The following PAPPA variants were observed in gnomAD, a reference collection of about 807,000 sequenced individuals.
PAPPA encodes the protein pappalysin 1, also known as pappalysin-1.
PAPPA carries 60 observed loss-of-function variants against 164.0 expected under a neutral mutation model. That is an observed-to-expected ratio of 0.37 (90% confidence interval 0.30 to 0.45). PAPPA has a LOEUF of 0.45. PAPPA is among the 20% of genes least tolerant of loss of function. The pLI is 1.00. For synonymous variants in PAPPA, 875 were observed against 814.1 expected (o/e 1.07, Z -1.27); for missense variants, 1,782 against 2,087.3 (o/e 0.85, Z 2.85).
In PAPPA at chr9:116,187,666, T is replaced by A; in HGVS notation, c.928T>A (p.Phe310Ile). 2 of 1,614,232 alleles carry A rather than the reference T, an allele frequency of 1.2e-6. No individual in the cohort carries two copies. Among genetic ancestry groups the A allele is most frequent in the Non-Finnish European group, 1.7e-6 (2 of 1,180,040 alleles). The change falls in exon 2 of 22, where the codon TTC (phenylalanine) becomes ATC (isoleucine). Residue 310 changes from phenylalanine to isoleucine, a missense_variant. By Grantham distance (21) the Phe-to-Ile change is conservative. Around this residue, in one of 2 missense-constraint regions of PAPPA, gnomAD observed 458 missense variants for 430.3 expected, o/e 1.06. Coordinates refer to ENST00000328252, the MANE Select transcript of PAPPA (RefSeq NM_002581.5). This position sits in a 1 kb window ranked among gnomAD's most constrained non-coding sequence, Gnocchi z 4.2. ...GGATGGCAGCAGCCCCAAAGTGGAA[T>A]TCAGCAATGCCCACGGCTTTCTGCT... is the stretch of plus-strand genomic sequence containing the variant. ...MKDGSSPKVE[F>I]SNAHGFLLDT...
chr9:116,327,822 C>G (rs1845940219), intron 10 of PAPPA, among the ~76,000 whole-genome samples: 1 of 152,174 alleles, frequency 6.6e-6, no homozygotes, highest in Non-Finnish European at 1.5e-5. Flanking sequence ...CTCTTCCTCT[C>G]CAGCCTCCCT....
At position 116,154,397 on chromosome 9, in the gene PAPPA, C is replaced by T. The variant is rs1587931047; in HGVS notation, c.225C>T (p.Pro75=). ...GTGCCTGGGAAGCCGTGCGCGTCCCCCGGCGGCGGCAGCAGCGGGAGGCGA... is the reference window on the plus strand; with the variant it reads ...GTGCCTGGGAAGCCGTGCGCGTCCCTCGGCGGCGGCAGCAGCGGGAGGCGA... ...PGGAWEAVRV[P]RRRQQREARG... is the part of the protein sequence containing the mutation. The change falls in exon 1 of 22, where the codon CCC becomes CCT. Residue 75 remains proline (P), a synonymous_variant. Transcript: ENST00000328252. The surrounding 1 kb of genome is among the most constrained non-coding windows in gnomAD (Gnocchi z 5.2). The T allele has an allele frequency of 8.7e-7, 1 of 1,155,286 alleles. No homozygotes were observed. Among genetic ancestry groups the T allele is most frequent in the Non-Finnish European group, 1.1e-6 (1 of 913,316 alleles). The allele number at this position is 1,155,286 out of a possible 1,614,324, so 71.6% of individuals were successfully genotyped here.
intron 7 of PAPPA, among the ~76,000 whole-genome samples, chr9:116,240,844 C>T (rs1051067362): frequency 6.6e-6 from 1 of 152,138 alleles, no homozygotes; most frequent in Admixed American, 6.5e-5. Context: ...TTGTTTATGC[C>T]TCTGTCTTCT....
Position 116,154,695 on chromosome 9 carries a change from T to C in PAPPA, c.415+108T>C, listed in dbSNP as rs1291912703. 8.4e-6 allele frequency: 10 copies of C among 1,193,930 alleles called. No homozygotes were observed. The East Asian group carries it at 3.2e-4, about 39-fold the overall frequency. The allele number at this position is 1,193,930 out of a possible 1,614,324, so 74.0% of individuals were successfully genotyped here. On this transcript the variant is annotated intron_variant, in intron 1 of 21. Transcript: ENST00000328252. This position sits in a 1 kb window ranked among gnomAD's most constrained non-coding sequence, Gnocchi z 5.2. ...GGTCGGGGGCTTGCGGGCGTGTCTGTGCGAGAGCTGCCCCGCGAGCGGCGC... is the reference window on the plus strand; with the variant it reads ...GGTCGGGGGCTTGCGGGCGTGTCTGCGCGAGAGCTGCCCCGCGAGCGGCGC...
chr9:116,154,139 A>AG lies in PAPPA; in HGVS notation c.-30dup. On this transcript the variant is annotated 5_prime_UTR_variant, in exon 1 of 22. Transcript: ENST00000328252. The surrounding 1 kb of genome is among the most constrained non-coding windows in gnomAD (Gnocchi z 5.2). ...AGCTGGCAGCTCCGGGTGGCGGTGC[A>AG]GGGGCGAAGGGGGGGCGGGGGGAAC... The AG allele has an allele frequency of 9.4e-6, 4 of 426,992 alleles. No homozygotes were observed. The highest frequency in any genetic ancestry group is 6.7e-5 in the South Asian group (2 of 30,068). The allele number at this position is 426,992 out of a possible 1,614,324, so 26.5% of individuals were successfully genotyped here.
At chr9:116,269,424 A>T (rs1262574842) in intron 8 of PAPPA, among the ~76,000 whole-genome samples, 1 of 152,140 alleles carries the variant, frequency 6.6e-6, no homozygotes, top group Non-Finnish European at 1.5e-5. Context: ...TGTGCCAGAA[A>T]CTGGGGTGCT....
chr9:116,276,163 C>T (rs1845195275), intron 9 of PAPPA, among the ~76,000 whole-genome samples: 1 of 152,176 alleles, frequency 6.6e-6, no homozygotes, highest in Non-Finnish European at 1.5e-5. Context: ...TTGTTCACAG[C>T]ATTGGGAATT....
Position 116,396,830 on chromosome 9 carries a change from A to C in PAPPA, c.*214A>C. The C allele has an allele frequency of 1.7e-6, 1 of 579,952 alleles. No individual in the cohort carries two copies. 35.9% of individuals were successfully genotyped at this position (579,952 alleles called of 1,614,324 possible). A position where few individuals can be genotyped will look rare whatever the true frequency, so the allele number is the denominator to read the frequency against. ...GGATGATGAAATGGATTCCCATCCC[A>C]AAGTCTGAGATGGATTGCATATACA... On this transcript the variant is annotated 3_prime_UTR_variant, in exon 22 of 22. Coordinates refer to ENST00000328252, the MANE Select transcript of PAPPA (RefSeq NM_002581.5).
chr9:116,169,115 G>A (rs1843746212), intron 1 of PAPPA, among the ~76,000 whole-genome samples: 1 of 152,044 alleles, frequency 6.6e-6, no homozygotes, highest in South Asian at 2.1e-4. Context: ...AGTGAAGGCA[G>A]ACACATTGTG....
chr9:116,158,768 G>C (rs978483171), intron 1 of PAPPA, among the ~76,000 whole-genome samples: 1 of 152,210 alleles, frequency 6.6e-6, no homozygotes, highest in Non-Finnish European at 1.5e-5. Context: ...CCTTGTGCCA[G>C]CATGTTTTGC....
intron 13 of PAPPA, among the ~76,000 whole-genome samples, chr9:116,339,679 T>C (rs942847784): frequency 6.6e-6 from 1 of 152,180 alleles, no homozygotes; most frequent in African/African-American, 2.4e-5. Flanking sequence ...ATAAACAGCC[T>C]TTCTGTTTTT....
At chr9:116,276,619 G>A (rs752084171) in intron 9 of PAPPA, among the ~76,000 whole-genome samples, 3 of 152,126 alleles carry the variant, frequency 2.0e-5, no homozygotes, top group East Asian at 3.8e-4. Context: ...CCTGCCTGAC[G>A]CTGATATATA....
Position 116,236,148 on chromosome 9 carries a change from T to C in PAPPA, c.2732+511T>C, listed in dbSNP as rs150824616. 1.8e-4 allele frequency among the ~76,000 whole-genome samples: 27 copies of C among 152,314 alleles called. No homozygotes were observed. The East Asian group carries it at 4.8e-3, about 27-fold the overall frequency. On this transcript the variant is annotated intron_variant, in intron 7 of 21. Transcript: ENST00000328252. Reference sequence around the variant, plus strand: ...ATTGTGCTGGAAAGTGAATATCAACTTTAACAGCACTTGTTTTTGTCTTAT... The same window carrying C: ...ATTGTGCTGGAAAGTGAATATCAACCTTAACAGCACTTGTTTTTGTCTTAT...
intron 2 of PAPPA, among the ~76,000 whole-genome samples, chr9:116,199,127 G>C (rs1844140778): frequency 6.6e-6 from 1 of 152,110 alleles, no homozygotes; most frequent in Non-Finnish European, 1.5e-5. Context: ...CTGCTTCTCT[G>C]AACCAGCACC....
At chr9:116,171,323 G>C (rs1222302131) in intron 1 of PAPPA, among the ~76,000 whole-genome samples, 1 of 152,112 alleles carries the variant, frequency 6.6e-6, no homozygotes, top group Non-Finnish European at 1.5e-5. Flanking sequence ...TTGTGGCATG[G>C]GGTTGTTTCA....
chr9:116,302,987 A>T (rs1402547184), intron 10 of PAPPA, 37 bp downstream of exon 10: 1 of 1,582,854 alleles, frequency 6.3e-7, no homozygotes, highest in East Asian at 2.2e-5. Flanking sequence ...TCCTGCAGAC[A>T]TTCAAAGTCT....
chr9:116,361,973 T>C (rs1846432603), intron 17 of PAPPA, among the ~76,000 whole-genome samples: 2 of 152,056 alleles, frequency 1.3e-5, no homozygotes, highest in East Asian at 1.9e-4. Context: ...AAAGCACAGA[T>C]ATATAAGTAT....
intron 2 of PAPPA, among the ~76,000 whole-genome samples, chr9:116,194,427 G>T (rs1015618201): frequency 6.6e-6 from 1 of 152,140 alleles, no homozygotes; most frequent in Non-Finnish European, 1.5e-5. Flanking sequence ...TCATGTAAAA[G>T]AAATTGCTTG....
intron 20 of PAPPA, among the ~76,000 whole-genome samples, chr9:116,379,831 G>C (rs1269685139): frequency 1.3e-5 from 2 of 152,188 alleles, no homozygotes; most frequent in Admixed American, 1.3e-4. Flanking sequence ...ATTTGAGCTA[G>C]ATCTTGAAGG....
Sources: allele counts gnomAD v4.1 joint callset (sites outside exome capture counted in the v4.1 genomes callset), GRCh38; gene constraint gnomAD v4.1.1; regional missense constraint gnomAD v4.1.1; non-coding constraint Gnocchi (gnomAD v3.1); transcripts MANE v1.5; gene names NCBI Gene and HGNC (gene_info 2026-07-23, HGNC 2026-07-21).